Variants in TRAK1 observed in about 807,000 individuals in gnomAD.
TRAK1 encodes the protein trafficking kinesin-binding protein 1.
A neutral mutation model predicts 92.1 loss-of-function variants in TRAK1; 33 were observed. That is an observed-to-expected ratio of 0.36 (90% CI 0.27 to 0.48). TRAK1 has a LOEUF of 0.48. TRAK1 is among the 20% of genes least tolerant of loss of function. TRAK1 has a pLI of 0.99. For synonymous variants in TRAK1, 521 were observed against 517.3 expected, an observed-to-expected ratio of 1.01 and a Z score of -0.10; for missense variants, 1,123 against 1,257.9, an observed-to-expected ratio of 0.89 and a Z score of 1.62.
At chr3:42,191,064 T>C (rs1013491606) in intron 6 of TRAK1, among the ~76,000 whole-genome samples, 4 of 152,222 alleles carry the variant, frequency 2.6e-5, no homozygotes, top group African/African-American at 7.2e-5. Flanking sequence ...TTGTTCTTAC[T>C]AAGCTTGAAC....
rs745594263 is a variant in TRAK1, at chr3:42,016,351, C to A, written c.-519+2234C>A. 2.8e-4 allele frequency among the ~76,000 whole-genome samples: 42 copies of A among 152,172 alleles called. 1 individual carries two copies. The highest frequency in any genetic ancestry group is 6.5e-5 in the Admixed American group (1 of 15,280). On this transcript the variant is annotated intron_variant, in intron 1 of 16. Transcript: ENST00000487159. Reference sequence around the variant, plus strand: ...TCCCGAGTAGCTGGGATTGCAGGCACCTGCCACCACGCCCAGCTAATTTTT... The same window carrying A: ...TCCCGAGTAGCTGGGATTGCAGGCAACTGCCACCACGCCCAGCTAATTTTT...
At chr3:42,206,549 C>G (rs536737549) in intron 13 of TRAK1, among the ~76,000 whole-genome samples, 13 of 152,296 alleles carry the variant, frequency 8.5e-5, no homozygotes, top group African/African-American at 3.1e-4. Context: ...CCTTCCCGTA[C>G]TCAAGTTTCC....
At chr3:42,092,507 C>T (rs570999547) in intron 1 of TRAK1, among the ~76,000 whole-genome samples, 1 of 152,204 alleles carries the variant, frequency 6.6e-6, no homozygotes, top group East Asian at 1.9e-4. Context: ...ATGTTAATTC[C>T]TGGGGTCAGA....
In TRAK1 at chr3:42,201,126, A is replaced by G. The variant is rs993529854; in HGVS notation, c.1427+72A>G. The G allele has an allele frequency of 1.8e-5, 27 of 1,500,116 alleles. No homozygotes were observed. The South Asian group carries it at 2.1e-4, about 11-fold the overall frequency. 92.9% of individuals were successfully genotyped at this position (1,500,116 alleles called of 1,614,324 possible). ...GGTAGTATGGATTGTCTGCAGGCTC[A>G]GTAATTATTAAGAGGGAGGTAGATG... On this transcript the variant is annotated intron_variant, in intron 12 of 15. Coordinates refer to ENST00000327628, the MANE Select transcript of TRAK1 (RefSeq NM_001042646.3).
At chr3:42,093,190 A>T in intron 1 of TRAK1, among the ~76,000 whole-genome samples, 1 of 152,046 alleles carries the variant, frequency 6.6e-6, no homozygotes, top group East Asian at 1.9e-4. Context: ...ATATTTTCTA[A>T]ATGTGTAATT....
intron 1 of TRAK1, among the ~76,000 whole-genome samples, chr3:42,058,596 G>A (rs576308207): frequency 8.6e-5 from 13 of 152,010 alleles, no homozygotes; most frequent in Non-Finnish European, 1.3e-4. Flanking sequence ...TGCCTGCCTC[G>A]GCCTCTCAAA....
intron 1 of TRAK1, among the ~76,000 whole-genome samples, chr3:42,060,671 A>G (rs1225870958): frequency 1.5e-5 from 2 of 130,356 alleles, no homozygotes; most frequent in East Asian, 4.4e-4. Context: ...CTTGTTGTCC[A>G]GGCTGGAGTG....
At chr3:42,013,480 A>AGGAAGGCGGGGCGC (rs1216569885), upstream of TRAK1, among the ~76,000 whole-genome samples, 20 of 149,412 alleles carry the variant, frequency 1.3e-4, no homozygotes, top group Non-Finnish European at 2.8e-4. This position sits in a 1 kb window ranked among gnomAD's most constrained non-coding sequence, Gnocchi z 5.1. Flanking sequence ...GCCGCGGGCG[A>AGGAAGGCGGGGCGC]GGAAGGCGGG....
chr3:42,120,527 C>G (rs528466585), intron 1 of TRAK1, among the ~76,000 whole-genome samples: 1 of 152,160 alleles, frequency 6.6e-6, no homozygotes, highest in East Asian at 1.9e-4. Context: ...ATTCTTGCCT[C>G]TGCTTCCTGT....
At chr3:42,219,736 T>G (rs1710128225) in intron 15 of TRAK1, 140 bp downstream of exon 15, 1 of 805,618 alleles carries the variant, frequency 1.2e-6, no homozygotes, top group Admixed American at 2.4e-5. Context: ...CATCTCAGCA[T>G]TTGCAGGCAC....
chr3:42,204,048 G>T, intron 13 of TRAK1: 1 of 984,832 alleles, frequency 1.0e-6, no homozygotes, highest in Non-Finnish European at 1.2e-6. Context: ...TTTTAAAATT[G>T]TATAATTGGG....
At chr3:42,091,586 G>A in intron 1 of TRAK1, 26 bp downstream of exon 1, 1 of 1,602,380 alleles carries the variant, frequency 6.2e-7, no homozygotes, top group Non-Finnish European at 8.5e-7. Flanking sequence ...AGGTCTGTCT[G>A]CTGTCTGTTT....
At chr3:42,018,041 A>G (rs1428635958) in intron 1 of TRAK1, among the ~76,000 whole-genome samples, 6 of 145,544 alleles carry the variant, frequency 4.1e-5, no homozygotes, top group Non-Finnish European at 7.5e-5. Context: ...ACTTGAGCCC[A>G]GGAGTTCGAG....
At chr3:42,052,061 A>G (rs2148914782) in intron 1 of TRAK1, among the ~76,000 whole-genome samples, 1 of 152,364 alleles carries the variant, frequency 6.6e-6, no homozygotes, top group South Asian at 2.1e-4. Context: ...ATCAGAAGCA[A>G]GGAGTAATCT....
In TRAK1 at chr3:42,224,992, G is replaced by A. The variant is rs2149559244; in HGVS notation, c.*1255G>A. 1 of 152,328 alleles carries A rather than the reference G, an allele frequency of 6.6e-6. No individual in the cohort carries two copies. The allele number at this position is 152,328 out of a possible 1,614,324, so 9.4% of individuals were successfully genotyped here. ...GTGCCTCTTTTTATCCTTAGGAAAA[G>A]ATCCAGGTGCTTGTGAAAAGAATCA... On this transcript the variant is annotated 3_prime_UTR_variant, in exon 16 of 16. Coordinates refer to ENST00000327628, the MANE Select transcript of TRAK1 (RefSeq NM_001042646.3).
At chr3:42,092,557 A>G (rs952663806) in intron 1 of TRAK1, among the ~76,000 whole-genome samples, 13 of 152,144 alleles carry the variant, frequency 8.5e-5, no homozygotes, top group Non-Finnish European at 1.5e-5. Context: ...GAGGTGGGCC[A>G]GGGTGTAAAG....
chr3:42,152,673 C>G lies in TRAK1; in HGVS notation c.287-24141C>G, dbSNP rs151111645. The stretch of plus-strand genomic sequence containing the variant: ...GGGGCTGGAAAAGAATTATTTAGGT[C>G]AGTTTCGGGATCTTAGATTGTTTCT... On this transcript the variant is annotated intron_variant, in intron 2 of 15. Coordinates refer to ENST00000327628, the MANE Select transcript of TRAK1 (RefSeq NM_001042646.3). Among the ~76,000 whole-genome samples, 517 of 152,288 alleles carry G rather than the reference C, an allele frequency of 3.4e-3. 5 individuals are homozygous for G. The highest frequency in any genetic ancestry group is 0.012 in the African/African-American group (493 of 41,546).
At chr3:42,124,075 C>T (rs1409888131) in intron 1 of TRAK1, among the ~76,000 whole-genome samples, 1 of 151,682 alleles carries the variant, frequency 6.6e-6, no homozygotes, top group Non-Finnish European at 1.5e-5. Context: ...GAGGTCAAGG[C>T]TGCAGTGAGC....
At chr3:42,102,622 C>T (rs568751652) in intron 1 of TRAK1, among the ~76,000 whole-genome samples, 2 of 152,306 alleles carry the variant, frequency 1.3e-5, no homozygotes, top group South Asian at 4.1e-4. Flanking sequence ...ACAAGGGCTT[C>T]TCTGTCTGCT....
Sources: allele counts gnomAD v4.1 joint callset (sites outside exome capture counted in the v4.1 genomes callset), GRCh38; gene constraint gnomAD v4.1.1; non-coding constraint Gnocchi (gnomAD v3.1); transcripts MANE v1.5; gene names NCBI Gene and HGNC (gene_info 2026-07-23, HGNC 2026-07-21).